Variants in MS4A4A observed in about 807,000 individuals in gnomAD.
MS4A4A encodes the protein membrane spanning 4-domains A4A.
A neutral mutation model predicts 28.0 loss-of-function variants in MS4A4A; 26 were observed. The observed-to-expected ratio is 0.93, with a 90% CI of 0.68 to 1.29. The LOEUF (loss-of-function observed/expected upper bound fraction) is 1.29, where lower values mean the gene tolerates loss of function less well. Ranked by LOEUF, MS4A4A falls within the 50% of genes most tolerant of loss-of-function variation. The pLI, the probability that MS4A4A is intolerant of heterozygous loss-of-function variation, is 0.00. For missense variants in MS4A4A, 290 were observed against 293.1 expected (o/e 0.99, Z 0.08); for synonymous variants, 86 against 100.8 (o/e 0.85, Z 0.88).
At chr11:60,290,977 G>C (rs1043882439) in intron 1 of MS4A4A, among the ~76,000 whole-genome samples, 1 of 151,984 alleles carries the variant, frequency 6.6e-6, no homozygotes, top group African/African-American at 2.4e-5. Flanking sequence ...TAGGGGCTCA[G>C]TGGAGAATAA....
At chr11:60,296,029 G>C (rs1042989960) in intron 2 of MS4A4A, among the ~76,000 whole-genome samples, 1 of 151,962 alleles carries the variant, frequency 6.6e-6, no homozygotes, top group Non-Finnish European at 1.5e-5. Context: ...TATGTCCTCT[G>C]TTTCTATTTT....
intron 6 of MS4A4A, 28 bp from the exon 7 acceptor site, chr11:60,308,079 C>T (rs752619652): frequency 6.2e-7 from 1 of 1,611,214 alleles, no homozygotes; most frequent in South Asian, 1.1e-5. Context: ...TTGGGTGACT[C>T]ACCTTTGGCA....
chr11:60,304,702 G>T lies in MS4A4A; in HGVS notation c.547-1398G>T, dbSNP rs189496587. Among the ~76,000 whole-genome samples, 299 of 152,284 alleles carry T rather than the reference G, an allele frequency of 2.0e-3. 1 individual carries two copies. The highest frequency in any genetic ancestry group is 3.4e-3 in the Non-Finnish European group (230 of 68,008). On this transcript the variant is annotated intron_variant, in intron 5 of 6. Coordinates refer to ENST00000337908, the MANE Select transcript of MS4A4A (RefSeq NM_148975.3). The stretch of plus-strand genomic sequence containing the variant: ...GAAGCCCATTTGTTTACATATTGTG[G>T]AGTGCTGCTTTCGTGTTATAACAGC...
chr11:60,283,079 A>G (rs948532190), intron 1 of MS4A4A, among the ~76,000 whole-genome samples: 7 of 152,032 alleles, frequency 4.6e-5, no homozygotes, highest in Non-Finnish European at 7.4e-5. Context: ...TAGGCAATGG[A>G]AGGAACCAAT....
intron 4 of MS4A4A, 131 bp downstream of exon 4, chr11:60,301,188 T>C: frequency 1.4e-6 from 1 of 723,898 alleles, no homozygotes. Context: ...TTTTACCTAC[T>C]AGAATCTGTC....
chr11:60,294,255 T>A (rs1027247572), intron 2 of MS4A4A, among the ~76,000 whole-genome samples: 6 of 152,224 alleles, frequency 3.9e-5, no homozygotes, highest in Admixed American at 2.6e-4. Flanking sequence ...CTCTATATCT[T>A]CTTTCGTAAG....
At chr11:60,301,773 C>CTGGTTTT (rs2084955088) in intron 4 of MS4A4A, among the ~76,000 whole-genome samples, 1 of 151,672 alleles carries the variant, frequency 6.6e-6, no homozygotes. Context: ...TGTTTTTTTT[C>CTGGTTTT]TGGTTTTTGG....
chr11:60,295,510 T>C (rs1198512350), intron 2 of MS4A4A, among the ~76,000 whole-genome samples: 1 of 152,240 alleles, frequency 6.6e-6, no homozygotes, highest in East Asian at 1.9e-4. Context: ...GTTTCTGCTA[T>C]GACTTCCAGT....
At chr11:60,307,398 T>C (rs1183765699) in intron 6 of MS4A4A, among the ~76,000 whole-genome samples, 5 of 152,228 alleles carry the variant, frequency 3.3e-5, no homozygotes, top group Non-Finnish European at 5.9e-5. Context: ...TTCTCAGCAA[T>C]TACCAATGAT....
intron 2 of MS4A4A, among the ~76,000 whole-genome samples, chr11:60,295,864 T>C (rs1399421428): frequency 1.3e-5 from 2 of 152,174 alleles, no homozygotes; most frequent in African/African-American, 4.8e-5. Flanking sequence ...CACAATTTTT[T>C]TGATGCATTG....
chr11:60,286,054 C>T (rs951722404), intron 1 of MS4A4A, among the ~76,000 whole-genome samples: 7 of 152,158 alleles, frequency 4.6e-5, no homozygotes, highest in Admixed American at 2.0e-4. Flanking sequence ...AATGCATTCT[C>T]TTCCCAGGGT....
chr11:60,293,361 A>G (rs1470905330), intron 2 of MS4A4A, among the ~76,000 whole-genome samples: 1 of 152,186 alleles, frequency 6.6e-6, no homozygotes, highest in Non-Finnish European at 1.5e-5. Context: ...TTTAAAATAT[A>G]CTGTATGTTT....
chr11:60,287,787 G>A (rs2084815882), intron 1 of MS4A4A, among the ~76,000 whole-genome samples: 1 of 152,212 alleles, frequency 6.6e-6, no homozygotes, highest in African/African-American at 2.4e-5. Context: ...ATATAATGGT[G>A]AAACAGGTGC....
intron 2 of MS4A4A, among the ~76,000 whole-genome samples, chr11:60,296,406 A>T (rs925799671): frequency 7.9e-5 from 12 of 151,916 alleles, no homozygotes; most frequent in African/African-American, 2.4e-4. Flanking sequence ...ACATACATAT[A>T]TTTTTAAAAA....
At chr11:60,299,448 C>CTTTTTTTTTTTTTTTTTTTTTGTT (rs5792179) in intron 3 of MS4A4A, among the ~76,000 whole-genome samples, 1 of 113,236 alleles carries the variant, frequency 8.8e-6, no homozygotes. Context: ...AATTACAATT[C>CTTTTTTTTTTTTTTTTTTTTTGTT]TTTTTTTTTT....
In MS4A4A at chr11:60,300,983, T is replaced by G; in HGVS notation, c.331-18T>G. The G allele has an allele frequency of 6.3e-7, 1 of 1,584,178 alleles. No homozygotes were observed. The highest frequency in any genetic ancestry group is 8.6e-7 in the Non-Finnish European group (1 of 1,163,800). ...CTGGCTTAAAGTTTTTTACCTTCAT[T>G]TTTTCTCTCATTTTTAGTTTATTAT... On this transcript the variant is annotated intron_variant, in intron 3 of 6. Transcript: ENST00000337908.
rs2084901783 is a variant in MS4A4A at position 60,295,929 on chromosome 11, A to G, written c.202-1268A>G. On this transcript the variant is annotated intron_variant, in intron 2 of 6. Transcript: ENST00000337908. ...GGATTTTTGCATATTTGTTCATCAG[A>G]GATGTTGGTCTGTAGTTTTCTTTTC... Among the ~76,000 whole-genome samples the G allele has an allele frequency of 2.6e-5, 4 of 152,086 alleles. No homozygotes were observed. In the South Asian group the frequency reaches 8.3e-4, roughly 31 times the overall value.
intron 3 of MS4A4A, among the ~76,000 whole-genome samples, chr11:60,299,448 C>CTTTTTTTTTTTTTTTTTTTTTT (rs5792179): frequency 8.8e-6 from 1 of 113,236 alleles, no homozygotes; most frequent in South Asian, 2.9e-4. Context: ...AATTACAATT[C>CTTTTTTTTTTTTTTTTTTTTTT]TTTTTTTTTT....
chr11:60,284,601 T>C (rs1022841978), intron 1 of MS4A4A, among the ~76,000 whole-genome samples: 3 of 151,366 alleles, frequency 2.0e-5, no homozygotes, highest in Admixed American at 6.6e-5. Flanking sequence ...TCCTCCTTTT[T>C]TGCTCTCAGT....
Sources: gnomAD v4.1 joint callset for allele counts (sites outside exome capture counted in the v4.1 genomes callset) on GRCh38, gnomAD v4.1.1 for gene constraint, MANE v1.5 for transcripts, NCBI Gene and HGNC (gene_info 2026-07-23, HGNC 2026-07-21) for gene names.